SCP2: variants seen among roughly 807,000 people sequenced by gnomAD.
The protein encoded by SCP2 is sterol carrier protein 2, also known as SCP-2/3-oxoacyl-CoA thiolase.
In SCP2, 48 loss-of-function variants were observed where a neutral mutation model predicts 71.4. The observed-to-expected ratio is 0.67, with a 90% confidence interval of 0.53 to 0.86. The LOEUF (loss-of-function observed/expected upper bound fraction) is 0.86. Ranked by LOEUF, SCP2 falls within the 40% of genes least tolerant of loss-of-function variation. SCP2 has a pLI of 0.00. For synonymous variants in SCP2, 220 were observed against 218.1 expected, an observed-to-expected ratio of 1.01 and a Z score of -0.08; for missense variants, 560 against 655.6, an observed-to-expected ratio of 0.85 and a Z score of 1.59.
chr1:52,937,359 C>G lies in SCP2; in HGVS notation c.70-4437C>G, dbSNP rs116497120. Among the ~76,000 whole-genome samples, 413 of 152,208 alleles carry G rather than the reference C, an allele frequency of 2.7e-3. 4 individuals are homozygous for G. Among genetic ancestry groups the G allele is most frequent in the African/African-American group, 9.3e-3 (387 of 41,540 alleles). ...AGTTTGTGGTACTTTTTGTCTTTAT[C>G]TTTTGTTTTTGCATTTCTTTTATGA... On this transcript the variant is annotated intron_variant, in intron 1 of 15. Coordinates refer to ENST00000371514, the MANE Select transcript of SCP2 (RefSeq NM_002979.5).
intron 10 of SCP2, among the ~76,000 whole-genome samples, chr1:52,982,308 G>C (rs182573539): frequency 1.3e-3 from 203 of 152,142 alleles, no homozygotes; most frequent in African/African-American, 4.4e-3. Flanking sequence ...CGGTGGCTCA[G>C]GCCTATAATC....
At chr1:52,995,586 T>C (rs2150200912) in intron 11 of SCP2, 1 of 497,254 alleles carries the variant, frequency 2.0e-6, no homozygotes, top group South Asian at 1.8e-5. Flanking sequence ...ACTCATCAGG[T>C]AGGATTTCAA....
At chr1:53,030,894 C>T (rs1662494757) in intron 13 of SCP2, among the ~76,000 whole-genome samples, 1 of 138,608 alleles carries the variant, frequency 7.2e-6, no homozygotes, top group Admixed American at 7.2e-5. Context: ...AGCGAGACTC[C>T]ACCTCAAAAA....
At chr1:53,000,616 C>T (rs1292499648) in intron 11 of SCP2, among the ~76,000 whole-genome samples, 8 of 152,172 alleles carry the variant, frequency 5.3e-5, no homozygotes, top group African/African-American at 1.9e-4. Context: ...CTGTGAAATA[C>T]GAGGTCTACT....
intron 12 of SCP2, 131 bp downstream of exon 12, chr1:53,015,174 T>G: frequency 1.1e-6 from 1 of 941,668 alleles, no homozygotes; most frequent in Non-Finnish European, 1.7e-6. Flanking sequence ...TACATTGTTT[T>G]AAGAACATGG....
At chr1:53,017,327 C>G (rs1661403061) in intron 12 of SCP2, among the ~76,000 whole-genome samples, 1 of 152,054 alleles carries the variant, frequency 6.6e-6, no homozygotes, top group African/African-American at 2.4e-5. Flanking sequence ...TTTTATTGCC[C>G]AAAAATGTTC....
intron 11 of SCP2, among the ~76,000 whole-genome samples, chr1:53,002,009 C>A (rs1267534021): frequency 6.6e-6 from 1 of 151,914 alleles, no homozygotes; most frequent in African/African-American, 2.4e-5. Flanking sequence ...ATGGTGAAAC[C>A]CCGTCTCTAC....
At chr1:52,968,176 A>G (rs555768166) in intron 6 of SCP2, among the ~76,000 whole-genome samples, 3 of 152,158 alleles carry the variant, frequency 2.0e-5, no homozygotes, top group Admixed American at 6.5e-5. Context: ...TCCTGACCTC[A>G]GGTGATCGGC....
At chr1:52,977,625 C>G (rs1242027040) in intron 8 of SCP2, among the ~76,000 whole-genome samples, 4 of 152,170 alleles carry the variant, frequency 2.6e-5, no homozygotes, top group African/African-American at 7.2e-5. Flanking sequence ...TCAGAAGATG[C>G]CTTATGCATC....
At chr1:53,005,151 G>A (rs1000632276) in intron 11 of SCP2, among the ~76,000 whole-genome samples, 2 of 152,178 alleles carry the variant, frequency 1.3e-5, no homozygotes, top group Non-Finnish European at 2.9e-5. Flanking sequence ...GGAGCCCATC[G>A]CAGCTCAACG....
At chr1:53,043,639 A>C (rs1663582200) in intron 14 of SCP2, among the ~76,000 whole-genome samples, 1 of 152,216 alleles carries the variant, frequency 6.6e-6, no homozygotes, top group Non-Finnish European at 1.5e-5. Context: ...TAAAGATCAG[A>C]TGAGACCAGA....
At chr1:52,995,882 T>A in intron 11 of SCP2, 1 of 1,456,528 alleles carries the variant, frequency 6.9e-7, no homozygotes, top group East Asian at 2.3e-5. Context: ...CCTCCACTGG[T>A]ACACAGCTGA....
intron 11 of SCP2, among the ~76,000 whole-genome samples, chr1:52,992,550 TCCAAATATTTGA>T (rs1188161901): frequency 6.6e-6 from 1 of 152,100 alleles, no homozygotes; most frequent in Non-Finnish European, 1.5e-5. Flanking sequence ...CCTAAATGAG[TCCAAATATTTGA>T]CCACGTAGAA....
intron 13 of SCP2, among the ~76,000 whole-genome samples, chr1:53,030,541 T>G (rs1207985081): frequency 6.6e-6 from 1 of 152,134 alleles, no homozygotes; most frequent in Non-Finnish European, 1.5e-5. Flanking sequence ...GGTCTTGCTA[T>G]GTTGGAGACT....
In SCP2 at chr1:52,927,332, A is replaced by G. The variant is rs1264376324; in HGVS notation, c.-65A>G. On this transcript the variant is annotated 5_prime_UTR_variant, in exon 1 of 16. Coordinates refer to ENST00000371514, the MANE Select transcript of SCP2 (RefSeq NM_002979.5). ...TTCGGGCTTCAGGGAGCTCTGGTGC[A>G]GTCTCCGCCTGTCAGTGCCGGCAGT... 7 of 1,375,562 alleles carry G rather than the reference A, an allele frequency of 5.1e-6. No homozygotes were observed. In the South Asian group the frequency reaches 6.2e-5, roughly 12 times the overall value. 85.2% of individuals were successfully genotyped at this position (1,375,562 alleles called of 1,614,324 possible).
At chr1:52,934,599 T>TA (rs1653506926) in intron 1 of SCP2, among the ~76,000 whole-genome samples, 1 of 70,740 alleles carries the variant, frequency 1.4e-5, no homozygotes, top group African/African-American at 7.0e-5. Flanking sequence ...TAACTTTTTT[T>TA]TTTTTTTTTT....
At chr1:52,930,384 G>C (rs1427605232) in intron 1 of SCP2, among the ~76,000 whole-genome samples, 1 of 152,044 alleles carries the variant, frequency 6.6e-6, no homozygotes, top group East Asian at 1.9e-4. Context: ...CAGTACTTTA[G>C]GAGGCTGAGG....
chr1:52,929,867 C>G (rs994580609), intron 1 of SCP2, among the ~76,000 whole-genome samples: 3 of 152,186 alleles, frequency 2.0e-5, no homozygotes, highest in Admixed American at 6.5e-5. Flanking sequence ...TCGTGATCCA[C>G]CCGCCTCGGA....
intron 11 of SCP2, chr1:52,995,253 C>T (rs1020212002): frequency 1.1e-4 from 55 of 495,368 alleles, no homozygotes; most frequent in African/African-American, 6.7e-4. Context: ...ACACCGTGGT[C>T]GAGCCCTACA....
Sources: allele counts gnomAD v4.1 joint callset (sites outside exome capture counted in the v4.1 genomes callset), GRCh38; gene constraint gnomAD v4.1.1; transcripts MANE v1.5; gene names NCBI Gene and HGNC (gene_info 2026-07-23, HGNC 2026-07-21).